MAN1A1: variants seen among roughly 807,000 people sequenced by gnomAD.
The protein encoded by MAN1A1 is mannosidase alpha class 1A member 1.
Under a neutral mutation model 70.8 loss-of-function variants are expected in MAN1A1, and 29 were observed. That is an observed-to-expected ratio of 0.41 (90% CI 0.31 to 0.56). The LOEUF (loss-of-function observed/expected upper bound fraction) is 0.56. Among genes scored for constraint, MAN1A1 ranks in the 20% least tolerant of loss-of-function variants. The probability of loss-of-function intolerance (pLI) is 0.29; values close to 1 mark genes in which losing one functional copy is unlikely to be tolerated. For missense variants in MAN1A1, 747 were observed against 841.3 expected (o/e 0.89, Z 1.39); for synonymous variants, 349 against 330.1 (o/e 1.06, Z -0.62).
intron 2 of MAN1A1, among the ~76,000 whole-genome samples, chr6:119,333,179 A>G (rs1400790605): frequency 6.6e-6 from 1 of 152,230 alleles, no homozygotes; most frequent in African/African-American, 2.4e-5. Flanking sequence ...TTCCTAAGAC[A>G]GCTTTCGAGC....
intron 2 of MAN1A1, among the ~76,000 whole-genome samples, chr6:119,313,607 A>T (rs1772770745): frequency 6.6e-6 from 1 of 152,116 alleles, no homozygotes; most frequent in Admixed American, 6.5e-5. Flanking sequence ...AATGGGAATA[A>T]AGCAGTACTG....
intron 2 of MAN1A1, among the ~76,000 whole-genome samples, chr6:119,328,176 C>A (rs1050102229): frequency 1.3e-5 from 2 of 152,194 alleles, no homozygotes; most frequent in African/African-American, 4.8e-5. Context: ...ACACACCACA[C>A]AACATGCCCA....
chr6:119,334,449 C>T (rs1036163975), intron 2 of MAN1A1, among the ~76,000 whole-genome samples: 1 of 152,134 alleles, frequency 6.6e-6, no homozygotes, highest in African/African-American at 2.4e-5. Flanking sequence ...CTTAAGTGTA[C>T]CTCGTATGTT....
At chr6:119,265,819 AAAG>A (rs1314014959) in intron 5 of MAN1A1, among the ~76,000 whole-genome samples, 1 of 152,230 alleles carries the variant, frequency 6.6e-6, no homozygotes, top group African/African-American at 2.4e-5. Context: ...ACTGATTAGG[AAAG>A]AAGAAAAATA....
intron 6 of MAN1A1, among the ~76,000 whole-genome samples, chr6:119,217,669 A>C (rs191888606): frequency 6.6e-6 from 1 of 152,362 alleles, no homozygotes. Context: ...TATAATTAAA[A>C]AAATTTACAC....
chr6:119,190,081 C>G (rs1172236828), intron 9 of MAN1A1, among the ~76,000 whole-genome samples, 198 bp from the exon 10 acceptor site: 3 of 152,260 alleles, frequency 2.0e-5, no homozygotes, highest in East Asian at 3.9e-4. Context: ...TTTGATTAGT[C>G]AGAATTAACA....
chr6:119,228,427 T>A lies in MAN1A1; in HGVS notation c.992+19833A>T, dbSNP rs564494303. Among the ~76,000 whole-genome samples, 3 of 152,292 alleles carry A rather than the reference T, an allele frequency of 2.0e-5. No homozygotes were observed. The East Asian group carries it at 5.8e-4, about 29-fold the overall frequency. ...TAGTGATAATTTTCAAAAATCTTAA[T>A]AATTCTTTCACCAAATTTTTCACTG... On this transcript the variant is annotated intron_variant, in intron 6 of 12. Coordinates refer to ENST00000368468, the MANE Select transcript of MAN1A1 (RefSeq NM_005907.4).
At chr6:119,338,788 C>T (rs747147988) in intron 2 of MAN1A1, among the ~76,000 whole-genome samples, 1 of 152,176 alleles carries the variant, frequency 6.6e-6, no homozygotes, top group Non-Finnish European at 1.5e-5. Context: ...GTGGGCTGTC[C>T]CAAGTGCCTG....
At chr6:119,245,990 T>A (rs897983801) in intron 6 of MAN1A1, among the ~76,000 whole-genome samples, 3 of 152,188 alleles carry the variant, frequency 2.0e-5, no homozygotes, top group African/African-American at 7.2e-5. Context: ...TAAGTATTTA[T>A]GTACTGAAAA....
chr6:119,349,577 T>TCGTCAACTTCGCC lies in MAN1A1; in HGVS notation c.-271_-259dup. ...GAGGGGCGCAGCGTGGGCGGGAGAC[T>TCGTCAACTTCGCC]CGTCAACTTCGCCCGCTCCCCATCT... On this transcript the variant is annotated 5_prime_UTR_variant, in exon 1 of 13. Coordinates refer to ENST00000368468, the MANE Select transcript of MAN1A1 (RefSeq NM_005907.4). 1.0e-6 allele frequency: 1 copy of TCGTCAACTTCGCC among 985,878 alleles called. No homozygotes were observed. Among genetic ancestry groups the TCGTCAACTTCGCC allele is most frequent in the Non-Finnish European group, 1.2e-6 (1 of 830,072 alleles). The allele number at this position is 985,878 out of a possible 1,614,324, so 61.1% of individuals were successfully genotyped here.
intron 5 of MAN1A1, among the ~76,000 whole-genome samples, chr6:119,262,910 G>A (rs7761203): frequency 0.8 from 122,289 of 152,150 alleles, 49,425 homozygotes; most frequent in Non-Finnish European, 0.85. Context: ...AGAGATTAAC[G>A]TTTGAATCAG....
chr6:119,265,887 G>T (rs773522425), intron 5 of MAN1A1, among the ~76,000 whole-genome samples: 39 of 152,102 alleles, frequency 2.6e-4, no homozygotes, highest in Non-Finnish European at 8.8e-5. Context: ...ATCAACAAAA[G>T]AAATCTGAAA....
chr6:119,261,047 C>G (rs989789305), intron 5 of MAN1A1, among the ~76,000 whole-genome samples: 1 of 135,250 alleles, frequency 7.4e-6, no homozygotes, highest in Admixed American at 8.1e-5. Context: ...GGTGCGATCT[C>G]GGCTCACTGC....
intron 5 of MAN1A1, among the ~76,000 whole-genome samples, chr6:119,265,182 C>A (rs1340939808): frequency 6.6e-6 from 1 of 151,892 alleles, no homozygotes; most frequent in Non-Finnish European, 1.5e-5. Flanking sequence ...CTCACTGTAG[C>A]CTTGAAAGCC....
At chr6:119,316,036 C>A (rs1291754723) in intron 2 of MAN1A1, among the ~76,000 whole-genome samples, 2 of 152,172 alleles carry the variant, frequency 1.3e-5, no homozygotes, top group African/African-American at 4.8e-5. Context: ...CAGCAAGTGA[C>A]CCCTTGCAGG....
chr6:119,336,451 C>T (rs1773453215), intron 2 of MAN1A1, among the ~76,000 whole-genome samples: 1 of 152,082 alleles, frequency 6.6e-6, no homozygotes. Context: ...AATGGAGGAC[C>T]ATTAAAACCT....
At chr6:119,228,846 T>C (rs1049993804) in intron 6 of MAN1A1, among the ~76,000 whole-genome samples, 1 of 152,174 alleles carries the variant, frequency 6.6e-6, no homozygotes, top group Non-Finnish European at 1.5e-5. Context: ...TAGCGGCCCA[T>C]TGCAAAACTT....
intron 5 of MAN1A1, among the ~76,000 whole-genome samples, chr6:119,270,413 T>C (rs1775887842): frequency 6.6e-6 from 1 of 152,230 alleles, no homozygotes; most frequent in African/African-American, 2.4e-5. Context: ...ATTTAAAGTA[T>C]ACACTTTAGT....
intron 5 of MAN1A1, among the ~76,000 whole-genome samples, chr6:119,283,934 G>A (rs970679069): frequency 1.3e-5 from 2 of 152,118 alleles, no homozygotes; most frequent in Non-Finnish European, 2.9e-5. Context: ...GGAGACGCTG[G>A]CAGTACGAAG....
Sources: allele counts gnomAD v4.1 joint callset (sites outside exome capture counted in the v4.1 genomes callset), GRCh38; gene constraint gnomAD v4.1.1; transcripts MANE v1.5; gene names NCBI Gene and HGNC (gene_info 2026-07-23, HGNC 2026-07-21).